PTPRD: variants seen among roughly 807,000 people sequenced by gnomAD.
PTPRD encodes the protein protein tyrosine phosphatase receptor type D.
In PTPRD, 34 loss-of-function variants were observed where a neutral mutation model predicts 214.5. The ratio of observed to expected loss-of-function variants is 0.16; its 90% CI spans 0.12 to 0.21. The LOEUF is 0.21. Among genes scored for constraint, PTPRD ranks in the 10% least tolerant of loss-of-function variants. PTPRD has a pLI of 1.00. For synonymous variants in PTPRD, 1,128 were observed against 845.7 expected, an observed-to-expected ratio of 1.33 and a Z score of -5.79; for missense variants, 2,545 against 2,398.7, an observed-to-expected ratio of 1.06 and a Z score of -1.27.
intron 2 of PTPRD, among the ~76,000 whole-genome samples, chr9:10,471,703 A>G (rs2099032124): frequency 5.3e-5 from 8 of 152,164 alleles, no homozygotes; most frequent in Admixed American, 5.2e-4. Context: ...CTTCATGGAA[A>G]TATTTATGAT....
At chr9:9,495,188 C>A (rs2096116073) in intron 8 of PTPRD, among the ~76,000 whole-genome samples, 3 of 151,770 alleles carry the variant, frequency 2.0e-5, no homozygotes, top group Admixed American at 6.6e-5. Flanking sequence ...AAATGTCAGA[C>A]CTAAATCTAT....
intron 2 of PTPRD, among the ~76,000 whole-genome samples, chr9:10,480,763 G>C (rs1053572066): frequency 1.3e-5 from 2 of 151,866 alleles, no homozygotes; most frequent in Non-Finnish European, 2.9e-5. Flanking sequence ...AACTATAAAA[G>C]AAAGAGTTCC....
chr9:8,794,445 A>C (rs545706614), intron 11 of PTPRD, among the ~76,000 whole-genome samples: 19 of 152,022 alleles, frequency 1.2e-4, no homozygotes, highest in South Asian at 4.1e-4. Flanking sequence ...CCAAATAATT[A>C]CAGTAGACTG....
chr9:10,277,964 G>C (rs1301941318), intron 3 of PTPRD, among the ~76,000 whole-genome samples: 5 of 152,016 alleles, frequency 3.3e-5, no homozygotes, highest in African/African-American at 7.2e-5. Context: ...CGAGACCATC[G>C]TGGCTAACGA....
At chr9:9,813,261 TAAACCCAG>T (rs1316735410) in intron 5 of PTPRD, among the ~76,000 whole-genome samples, 3 of 151,818 alleles carry the variant, frequency 2.0e-5, no homozygotes, top group African/African-American at 7.2e-5. Context: ...ACAAACTAAA[TAAACCCAG>T]AATTAGCAGA....
At chr9:9,012,560 T>C (rs1199517080) in intron 11 of PTPRD, among the ~76,000 whole-genome samples, 1 of 152,172 alleles carries the variant, frequency 6.6e-6, no homozygotes, top group Non-Finnish European at 1.5e-5. Context: ...ATGGGTAAGA[T>C]GCTTTCCTTT....
intron 14 of PTPRD, among the ~76,000 whole-genome samples, chr9:8,546,948 A>G (rs2080343142): frequency 6.6e-6 from 1 of 152,340 alleles, no homozygotes; most frequent in East Asian, 1.9e-4. Context: ...ACAGAAGTCC[A>G]TGGCATGGAC....
intron 10 of PTPRD, among the ~76,000 whole-genome samples, chr9:9,119,440 C>T (rs1443604891): frequency 6.6e-6 from 1 of 152,046 alleles, no homozygotes; most frequent in South Asian, 2.1e-4. Context: ...TAAAGAGATT[C>T]ATATTGAAAT....
intron 10 of PTPRD, among the ~76,000 whole-genome samples, chr9:9,027,149 T>C (rs1191811992): frequency 6.6e-6 from 1 of 151,776 alleles, no homozygotes; most frequent in Non-Finnish European, 1.5e-5. Flanking sequence ...TTCTGAATTT[T>C]GTCCAGCTCA....
chr9:8,403,916 A>G (rs891524937), intron 36 of PTPRD, among the ~76,000 whole-genome samples: 2 of 152,184 alleles, frequency 1.3e-5, no homozygotes, highest in Non-Finnish European at 2.9e-5. Context: ...CTGTTCATTC[A>G]TAACAACCAA....
chr9:9,976,792 GCTAT>G (rs1274757319), intron 4 of PTPRD, among the ~76,000 whole-genome samples: 1 of 150,046 alleles, frequency 6.7e-6, no homozygotes, highest in African/African-American at 2.5e-5. Context: ...TCTCTAGCTA[GCTAT>G]CTGTCTTCTT....
In PTPRD at chr9:9,752,724, T is replaced by G. The variant is rs113918728; in HGVS notation, c.-326+14086A>C. On this transcript the variant is annotated intron_variant, in intron 6 of 45. Transcript: ENST00000381196. ...GGACGGAGGGCAAGTATTTTTACAC[T>G]AAAATTATCAGCTGTATACAATTTT... Among the ~76,000 whole-genome samples the G allele has an allele frequency of 2.5e-3, 379 of 152,142 alleles. 3 individuals carry two copies. Among genetic ancestry groups the G allele is most frequent in the African/African-American group, 8.7e-3 (362 of 41,560 alleles).
chr9:8,611,282 A>T (rs1347525037), intron 14 of PTPRD, among the ~76,000 whole-genome samples: 3 of 152,218 alleles, frequency 2.0e-5, no homozygotes, highest in Non-Finnish European at 4.4e-5. Context: ...TATTTTTTTA[A>T]CTATCACAAA....
intron 8 of PTPRD, among the ~76,000 whole-genome samples, chr9:9,552,537 G>C (rs1017265170): frequency 6.6e-6 from 1 of 151,778 alleles, no homozygotes; most frequent in Admixed American, 6.6e-5. Context: ...ATTTTTAGTG[G>C]GACTTCTTTT....
chr9:9,811,268 G>C (rs906752001), intron 5 of PTPRD, among the ~76,000 whole-genome samples: 2 of 152,160 alleles, frequency 1.3e-5, no homozygotes, highest in African/African-American at 4.8e-5. Context: ...GCTTTGAAGG[G>C]TTCAGGAACG....
At chr9:10,006,796 G>A (rs570110111) in intron 4 of PTPRD, among the ~76,000 whole-genome samples, 21 of 151,930 alleles carry the variant, frequency 1.4e-4, no homozygotes, top group Admixed American at 1.4e-3. Context: ...CTACAATCTA[G>A]ATATATTCTA....
intron 5 of PTPRD, among the ~76,000 whole-genome samples, chr9:9,821,775 A>G (rs1370055006): frequency 1.3e-5 from 2 of 151,868 alleles, no homozygotes; most frequent in African/African-American, 4.8e-5. Flanking sequence ...CCAATACCAC[A>G]TAGATAATAA....
intron 11 of PTPRD, among the ~76,000 whole-genome samples, chr9:8,902,104 A>G (rs1335899013): frequency 1.3e-5 from 2 of 151,208 alleles, no homozygotes; most frequent in African/African-American, 4.9e-5. Context: ...CTATTACTGT[A>G]TTATCATATA....
chr9:9,295,189 A>C (rs1952580589), intron 9 of PTPRD, among the ~76,000 whole-genome samples: 1 of 151,786 alleles, frequency 6.6e-6, no homozygotes, highest in South Asian at 2.1e-4. Context: ...AATTTTATTT[A>C]AACAAATAAA....
Sources: allele counts gnomAD v4.1 joint callset (sites outside exome capture counted in the v4.1 genomes callset), GRCh38; gene constraint gnomAD v4.1.1; transcripts MANE v1.5; gene names NCBI Gene and HGNC (gene_info 2026-07-23, HGNC 2026-07-21).